ABAT: variants seen among roughly 807,000 people sequenced by gnomAD.
The protein encoded by ABAT is 4-aminobutyrate aminotransferase.
In ABAT, 45 loss-of-function variants were observed where a neutral mutation model predicts 64.6. The observed-to-expected ratio is 0.70, with a 90% confidence interval of 0.55 to 0.89. The LOEUF (loss-of-function observed/expected upper bound fraction) is 0.89. ABAT is among the 40% of genes least tolerant of loss of function. The pLI, the probability that ABAT is intolerant of heterozygous loss-of-function variation, is 0.00. For synonymous variants in ABAT, 297 were observed against 250.5 expected (o/e 1.19, Z -1.75); for missense variants, 633 against 658.4 (o/e 0.96, Z 0.42).
In ABAT at chr16:8,708,455, T is replaced by G. The variant is rs900180504; in HGVS notation, c.-41-27244T>G. 1.8e-4 allele frequency among the ~76,000 whole-genome samples: 27 copies of G among 151,514 alleles called. No homozygotes were observed. The East Asian group carries it at 4.5e-3, about 25-fold the overall frequency. On this transcript the variant is annotated intron_variant, in intron 1 of 15. Transcript: ENST00000268251. ...AGAGACAGGGATGGCAGTGGTGGGG[T>G]GGTGGGGGGCGCAGGTGGCTCGGGG... is the stretch of plus-strand genomic sequence containing the variant.
intron 14 of ABAT, among the ~76,000 whole-genome samples, chr16:8,777,580 G>A (rs1174848311): frequency 6.6e-6 from 1 of 152,034 alleles, no homozygotes; most frequent in African/African-American, 2.4e-5. Flanking sequence ...GTGTGGGGAT[G>A]TGTGTGTGTG....
intron 5 of ABAT, among the ~76,000 whole-genome samples, chr16:8,751,464 G>A (rs2059479499): frequency 6.6e-6 from 1 of 152,100 alleles, no homozygotes; most frequent in Non-Finnish European, 1.5e-5. Context: ...AAACAGCCTG[G>A]GGCAGGGGGA....
At chr16:8,780,895 C>A in intron 15 of ABAT, 1 of 451,954 alleles carries the variant, frequency 2.2e-6, no homozygotes. Context: ...CACATGCTTC[C>A]GACTCAGCCT....
At chr16:8,725,801 T>C (rs530245720) in intron 1 of ABAT, among the ~76,000 whole-genome samples, 25 of 152,306 alleles carry the variant, frequency 1.6e-4, no homozygotes, top group African/African-American at 5.5e-4. Context: ...GCTTAACTTT[T>C]TGAGGAACTT....
chr16:8,708,456 G>A (rs1314741454), intron 1 of ABAT, among the ~76,000 whole-genome samples: 1 of 151,922 alleles, frequency 6.6e-6, no homozygotes, highest in Non-Finnish European at 1.5e-5. Flanking sequence ...GTGGTGGGGT[G>A]GTGGGGGGCG....
intron 1 of ABAT, among the ~76,000 whole-genome samples, chr16:8,725,690 T>C (rs1336488999): frequency 1.3e-5 from 2 of 152,212 alleles, no homozygotes; most frequent in East Asian, 3.8e-4. Context: ...TTTGTTTGAG[T>C]CTCTGTTTTC....
chr16:8,696,280 A>AG (rs1001401940), intron 1 of ABAT, among the ~76,000 whole-genome samples: 1 of 152,074 alleles, frequency 6.6e-6, no homozygotes, highest in East Asian at 1.9e-4. Context: ...GTGACTGTGC[A>AG]GGGGGACCCT....
intron 10 of ABAT, 46 bp from the exon 11 acceptor site, chr16:8,768,779 T>C (rs2060018382): frequency 6.2e-7 from 1 of 1,613,280 alleles, no homozygotes; most frequent in Admixed American, 1.7e-5. Flanking sequence ...CGGTACTGCC[T>C]GCTTCCCCAA....
chr16:8,745,871 G>C (rs1173954159), intron 2 of ABAT, 130 bp from the exon 3 acceptor site: 8 of 808,204 alleles, frequency 9.9e-6, no homozygotes, highest in African/African-American at 1.7e-5. Flanking sequence ...CAGTGTTCTG[G>C]GGTGGTCTGG....
Position 8,735,737 on chromosome 16 carries a change from G to T in ABAT, c.-3G>T, listed in dbSNP as rs532952970. ...AAAGGGTGTCCCTGTCCCTCAAGGG[G>T]TCATGGCCTCCATGTTGCTCGCCCA... On this transcript the variant is annotated 5_prime_UTR_variant, in exon 2 of 16. Transcript: ENST00000268251. 42 of 1,601,672 alleles carry T rather than the reference G, an allele frequency of 2.6e-5. No individual in the cohort carries two copies. The South Asian group carries it at 3.8e-4, about 15-fold the overall frequency.
Position 8,764,678 on chromosome 16 carries a change from G to A in ABAT, c.448-60G>A. 1.4e-6 allele frequency: 2 copies of A among 1,478,214 alleles called. No individual in the cohort carries two copies. Among genetic ancestry groups the A allele is most frequent in the Non-Finnish European group, 1.9e-6 (2 of 1,057,000 alleles). 91.6% of individuals were successfully genotyped at this position (1,478,214 alleles called of 1,614,324 possible). On this transcript the variant is annotated intron_variant, in intron 7 of 15. Coordinates refer to ENST00000268251, the MANE Select transcript of ABAT (RefSeq NM_020686.6). This position sits in a 1 kb window ranked among gnomAD's most constrained non-coding sequence, Gnocchi z 4.2. ...CTGCGAAGATTCAGCTCCAGCCAGG[G>A]GAAGCGGGAGGACAGGAGTCATGAT... is the stretch of plus-strand genomic sequence containing the variant.
At chr16:8,747,314 C>CT (rs748480795) in intron 3 of ABAT, among the ~76,000 whole-genome samples, 71 of 152,070 alleles carry the variant, frequency 4.7e-4, no homozygotes, top group Admixed American at 1.4e-3. Flanking sequence ...TCCATAATGT[C>CT]TTTTTTTTAC....
intron 1 of ABAT, among the ~76,000 whole-genome samples, chr16:8,706,435 G>T (rs2057947167): frequency 6.8e-6 from 1 of 147,582 alleles, no homozygotes. Flanking sequence ...AAAAGACCAG[G>T]CATGATGGCT....
At chr16:8,738,205 C>T (rs956977364) in intron 2 of ABAT, among the ~76,000 whole-genome samples, 7 of 151,770 alleles carry the variant, frequency 4.6e-5, no homozygotes, top group Non-Finnish European at 1.0e-4. Flanking sequence ...CTTGTAGTCT[C>T]AGCTACTGGG....
intron 1 of ABAT, among the ~76,000 whole-genome samples, chr16:8,724,746 C>G (rs200196548): frequency 1.5e-4 from 1 of 6,568 alleles, no homozygotes; most frequent in Non-Finnish European, 3.8e-4. Flanking sequence ...AAAAAAAAAA[C>G]AAAAAAAAAA....
intron 1 of ABAT, among the ~76,000 whole-genome samples, chr16:8,716,078 C>G (rs990565486): frequency 6.6e-6 from 1 of 152,116 alleles, no homozygotes; most frequent in African/African-American, 2.4e-5. Flanking sequence ...CTTAGCTTTG[C>G]GCGTGGATTA....
At chr16:8,749,079 C>T (rs78612531) in intron 4 of ABAT, among the ~76,000 whole-genome samples, 3,954 of 148,810 alleles carry the variant, frequency 0.027, 161 homozygotes, top group African/African-American at 0.091. Context: ...GTCTTTTGTT[C>T]TTTTGTTCCT....
At position 8,686,430 on chromosome 16, in the gene ABAT, G is replaced by C. The variant is rs1451856753; in HGVS notation, c.-42+11719G>C. ...AGAGGCAGGCTGGCAGGGTGAGTGG[G>C]AGAAAACATGCAGAGAACCCTGGAC... On this transcript the variant is annotated intron_variant, in intron 1 of 15. Transcript: ENST00000268251. Among the ~76,000 whole-genome samples, 5 of 152,330 alleles carry C rather than the reference G, an allele frequency of 3.3e-5. No individual in the cohort carries two copies. In the South Asian group the frequency reaches 1.0e-3, roughly 32 times the overall value.
At chr16:8,760,737 G>A (rs993007975) in intron 6 of ABAT, among the ~76,000 whole-genome samples, 6 of 152,152 alleles carry the variant, frequency 3.9e-5, no homozygotes, top group African/African-American at 1.2e-4. Context: ...AGTGTCAACC[G>A]CCTCCAGAGG....
Sources: allele counts gnomAD v4.1 joint callset (sites outside exome capture counted in the v4.1 genomes callset), GRCh38; gene constraint gnomAD v4.1.1; non-coding constraint Gnocchi (gnomAD v3.1); transcripts MANE v1.5; gene names NCBI Gene and HGNC (gene_info 2026-07-23, HGNC 2026-07-21).